PCDH7: variants seen among roughly 807,000 people sequenced by gnomAD.
PCDH7 encodes the protein protocadherin 7, also known as protocadherin-7.
PCDH7 carries 17 observed loss-of-function variants against 58.9 expected under a neutral mutation model. That is an observed-to-expected ratio of 0.29 (90% confidence interval 0.20 to 0.43). PCDH7 has a LOEUF of 0.43. Among genes scored for constraint, PCDH7 ranks in the 20% least tolerant of loss-of-function variants. The probability of loss-of-function intolerance (pLI) is 1.00; values close to 1 mark genes in which losing one functional copy is unlikely to be tolerated. For synonymous variants in PCDH7, 664 were observed against 616.4 expected (o/e 1.08, Z -1.14); for missense variants, 1,274 against 1,441.0 (o/e 0.88, Z 1.88).
intron 1 of PCDH7, among the ~76,000 whole-genome samples, chr4:30,919,545 T>C (rs1742916708): frequency 6.6e-6 from 1 of 152,176 alleles, no homozygotes; most frequent in Non-Finnish European, 1.5e-5. Flanking sequence ...GGGATACTTT[T>C]ATCTATTATT....
chr4:30,902,204 C>A (rs548912721), intron 1 of PCDH7, among the ~76,000 whole-genome samples: 2 of 152,280 alleles, frequency 1.3e-5, no homozygotes, highest in South Asian at 4.1e-4. Flanking sequence ...ATGTCTGCTA[C>A]CCGTTAATCA....
At chr4:31,051,044 C>A (rs73216801) in intron 3 of PCDH7, among the ~76,000 whole-genome samples, 10,122 of 152,204 alleles carry the variant, frequency 0.067, 467 homozygotes, top group Middle Eastern at 0.12. Flanking sequence ...ATTTAACTGA[C>A]TAATTTAACT....
At chr4:31,032,243 T>A (rs1056305646) in intron 3 of PCDH7, among the ~76,000 whole-genome samples, 1 of 152,196 alleles carries the variant, frequency 6.6e-6, no homozygotes, top group Non-Finnish European at 1.5e-5. Context: ...ATCTAGAGAA[T>A]CCTCATGTGG....
At chr4:30,760,839 T>C (rs997079865) in intron 1 of PCDH7, among the ~76,000 whole-genome samples, 4 of 152,146 alleles carry the variant, frequency 2.6e-5, no homozygotes, top group Non-Finnish European at 5.9e-5. Context: ...CTGTGTGCCT[T>C]ACACAGACAC....
chr4:30,996,406 G>A (rs140587880), intron 3 of PCDH7, among the ~76,000 whole-genome samples: 7 of 152,242 alleles, frequency 4.6e-5, no homozygotes, highest in Non-Finnish European at 8.8e-5. Flanking sequence ...ATTCCAATGC[G>A]CGAGGACATT....
chr4:30,777,697 T>C (rs535780557), intron 1 of PCDH7, among the ~76,000 whole-genome samples: 31 of 152,326 alleles, frequency 2.0e-4, no homozygotes, highest in Non-Finnish European at 3.7e-4. Flanking sequence ...AGAGTGGTTA[T>C]GTTAGTACTG....
At chr4:31,138,302 A>C (rs1323197987) in intron 3 of PCDH7, among the ~76,000 whole-genome samples, 1 of 152,176 alleles carries the variant, frequency 6.6e-6, no homozygotes. Context: ...AATTTTCTCC[A>C]CTTTCCAAAA....
intron 1 of PCDH7, among the ~76,000 whole-genome samples, chr4:30,872,848 A>G (rs1232630589): frequency 6.6e-6 from 1 of 152,110 alleles, no homozygotes; most frequent in African/African-American, 2.4e-5. Flanking sequence ...AATAGACATT[A>G]TAATAGTGAC....
At chr4:30,920,938 G>GT (rs11399074) in intron 2 of PCDH7, among the ~76,000 whole-genome samples, 4,489 of 151,222 alleles carry the variant, frequency 0.03, 213 homozygotes, top group African/African-American at 0.1. Flanking sequence ...CAAGTATAAG[G>GT]TTTTTTTTTA....
At chr4:30,824,132 TTTCTTTCTTTCTTTCTTTCTTTCTTTC>T (rs1422455933) in intron 1 of PCDH7, among the ~76,000 whole-genome samples, 8 of 148,460 alleles carry the variant, frequency 5.4e-5, no homozygotes, top group African/African-American at 1.8e-4. Flanking sequence ...TCTTTCTTTC[TTTCTTTCTTTCTTTCTTTCTTTCTTTC>T]TTTTTGCTTC....
intron 3 of PCDH7, among the ~76,000 whole-genome samples, chr4:31,094,731 A>G (rs996213286): frequency 6.6e-6 from 1 of 152,142 alleles, no homozygotes; most frequent in Non-Finnish European, 1.5e-5. Context: ...ACAAAAAAAA[A>G]TTGTACAGTT....
At chr4:30,804,235 A>G (rs1022387504) in intron 1 of PCDH7, among the ~76,000 whole-genome samples, 2 of 152,176 alleles carry the variant, frequency 1.3e-5, no homozygotes, top group Non-Finnish European at 1.5e-5. Context: ...ACTGTAGGCT[A>G]AATGCATATT....
chr4:31,120,279 C>A lies in PCDH7; in HGVS notation c.*8-22194C>A, dbSNP rs1025401605. 4.0e-5 allele frequency among the ~76,000 whole-genome samples: 6 copies of A among 151,896 alleles called. No individual in the cohort carries two copies. In the East Asian group the frequency reaches 9.7e-4, roughly 25 times the overall value. On this transcript the variant is annotated intron_variant, in intron 3 of 3. Coordinates refer to the PCDH7 transcript ENST00000509759. ...ACATCTTTCCATTCTTTCTTCCTTT[C>A]CTGTTCATCCCTATTTCTTTTATTT...
chr4:30,916,692 G>C lies in PCDH7; in HGVS notation c.71-3461G>C, dbSNP rs531642521. On this transcript the variant is annotated intron_variant, in intron 1 of 3. Coordinates refer to the PCDH7 transcript ENST00000509759. ...CTTTTAAGTCTCAAGATGGAACCAG[G>C]AGTCTACTGACTCTCCCTGGAAACT... 7.7e-4 allele frequency among the ~76,000 whole-genome samples: 117 copies of C among 152,272 alleles called. 1 individual carries two copies. Among genetic ancestry groups the C allele is most frequent in the Non-Finnish European group, 1.5e-3 (104 of 68,016 alleles).
chr4:30,763,100 G>A (rs1416336317), intron 1 of PCDH7, among the ~76,000 whole-genome samples: 1 of 152,122 alleles, frequency 6.6e-6, no homozygotes, highest in Non-Finnish European at 1.5e-5. Context: ...AAATTAGCCT[G>A]TAATCCCAGC....
At chr4:30,822,364 A>C (rs1728480365) in intron 1 of PCDH7, among the ~76,000 whole-genome samples, 1 of 152,172 alleles carries the variant, frequency 6.6e-6, no homozygotes, top group Non-Finnish European at 1.5e-5. Context: ...GGAATGCCAC[A>C]CGCCACATCC....
At chr4:30,927,582 T>A (rs1298078699) in intron 2 of PCDH7, among the ~76,000 whole-genome samples, 1 of 152,086 alleles carries the variant, frequency 6.6e-6, no homozygotes, top group African/African-American at 2.4e-5. Flanking sequence ...CTCTGAAACA[T>A]GTGCTGTGCC....
chr4:31,139,150 A>G (rs1176737379), intron 3 of PCDH7, among the ~76,000 whole-genome samples: 1 of 152,240 alleles, frequency 6.6e-6, no homozygotes, highest in East Asian at 1.9e-4. Context: ...TTTGATGGAT[A>G]CCATTTTTTT....
intron 1 of PCDH7, among the ~76,000 whole-genome samples, chr4:30,798,342 G>A (rs1725064981): frequency 1.3e-5 from 2 of 152,122 alleles, no homozygotes; most frequent in African/African-American, 4.8e-5. Context: ...TATCTGGGTT[G>A]TATGCTTACT....
Sources: allele counts gnomAD v4.1 joint callset (sites outside exome capture counted in the v4.1 genomes callset), GRCh38; gene constraint gnomAD v4.1.1; transcripts MANE v1.5; gene names NCBI Gene and HGNC (gene_info 2026-07-23, HGNC 2026-07-21).